STK17B: variants seen among roughly 807,000 people sequenced by gnomAD.
The protein encoded by STK17B is serine/threonine kinase 17b.
In STK17B, 21 loss-of-function variants were observed where a neutral mutation model predicts 42.0. The ratio of observed to expected loss-of-function variants is 0.50; its 90% confidence interval spans 0.35 to 0.72. STK17B has a LOEUF of 0.72. Among genes scored for constraint, STK17B ranks in the 30% least tolerant of loss-of-function variants. The pLI is 0.00. For missense variants in STK17B, 349 were observed against 446.0 expected (o/e 0.78, Z 1.96); for synonymous variants, 143 against 148.4 (o/e 0.96, Z 0.26).
At chr2:196,148,914 T>C (rs1439882078) in intron 3 of STK17B, among the ~76,000 whole-genome samples, 1 of 152,168 alleles carries the variant, frequency 6.6e-6, no homozygotes, top group Non-Finnish European at 1.5e-5. Flanking sequence ...CTTACTGAAA[T>C]CAAGACTGCC....
chr2:196,141,262 C>T lies in STK17B; in HGVS notation c.643G>A (p.Ala215Thr). 1 of 1,606,824 alleles carries T rather than the reference C, an allele frequency of 6.2e-7. No homozygotes were observed. The highest frequency in any genetic ancestry group is 2.2e-5 in the East Asian group (1 of 44,802). ...EILNYDPITTATDMWNIGIIA... is the reference protein window; with the variant it reads ...EILNYDPITTTTDMWNIGIIA... ...ACAACATCTTACCACATATCTGTTG[C>T]TGTGGTAATGGGATCATAGTTCAGG... Residue 215 changes from alanine to threonine, a missense_variant, in exon 6 of 8, where the codon GCA (alanine) becomes ACA (threonine). Around this residue, in one of 3 missense-constraint regions of STK17B, gnomAD observed 256 missense variants for 347.7 expected, o/e 0.74. Coordinates refer to ENST00000263955, the MANE Select transcript of STK17B (RefSeq NM_004226.4).
intron 1 of STK17B, among the ~76,000 whole-genome samples, chr2:196,169,817 C>G (rs1699916904): frequency 6.6e-6 from 1 of 151,920 alleles, no homozygotes; most frequent in Admixed American, 6.6e-5. Flanking sequence ...TCTTCAATTA[C>G]AGAAATTCTA....
intron 4 of STK17B, among the ~76,000 whole-genome samples, chr2:196,143,957 C>T (rs1699530078): frequency 6.6e-6 from 1 of 152,106 alleles, no homozygotes; most frequent in African/African-American, 2.4e-5. Flanking sequence ...AAAAGACTGC[C>T]TCATTCTGTC....
At chr2:196,139,015 A>G (rs1699451446) in intron 7 of STK17B, among the ~76,000 whole-genome samples, 1 of 151,624 alleles carries the variant, frequency 6.6e-6, no homozygotes, top group East Asian at 2.0e-4. Flanking sequence ...CATCTAGGCT[A>G]GAGTGCAGTG....
intron 1 of STK17B, among the ~76,000 whole-genome samples, chr2:196,168,301 A>G (rs1242835862): frequency 1.3e-5 from 2 of 152,202 alleles, no homozygotes; most frequent in Non-Finnish European, 2.9e-5. Flanking sequence ...TCCCACCTCC[A>G]GAAAAAGAGT....
upstream of STK17B, among the ~76,000 whole-genome samples, chr2:196,173,587 C>T (rs994816053): frequency 2.1e-4 from 32 of 152,294 alleles, 1 homozygote; most frequent in Middle Eastern, 0.01. Context: ...TGTGGCCTTG[C>T]AGGAAAATTC....
At chr2:196,157,393 T>A (rs1460386765) in intron 2 of STK17B, among the ~76,000 whole-genome samples, 3 of 152,172 alleles carry the variant, frequency 2.0e-5, no homozygotes, top group East Asian at 3.8e-4. Context: ...AACTCTCTAA[T>A]TAGAATAGCT....
In STK17B at chr2:196,139,660, C is replaced by A. The variant is rs747314013; in HGVS notation, c.796G>T (p.Ala266Ser). 2 of 1,451,580 alleles carry A rather than the reference C, an allele frequency of 1.4e-6. No homozygotes were observed. Among genetic ancestry groups the A allele is most frequent in the Non-Finnish European group, 9.1e-7 (1 of 1,097,260 alleles). The allele number at this position is 1,451,580 out of a possible 1,614,324, so 89.9% of individuals were successfully genotyped here. A position where few individuals can be genotyped will look rare whatever the true frequency, so the allele number is the denominator to read the frequency against. Residue 266 changes from alanine (A) to serine (S), a missense_variant, in exon 7 of 8, where the codon GCC becomes TCC. Ala to Ser is a moderately conservative substitution (Grantham distance 99). This residue lies in a region of STK17B where 256 missense variants were observed against 347.7 expected (regional missense o/e 0.74). Transcript: ENST00000263955. ...EETFSSVSQLATDFIQSLLVK... is the reference protein window; with the variant it reads ...EETFSSVSQLSTDFIQSLLVK... ...AAAAGGCTCTGAATAAAGTCTGTGG[C>A]CAGCTGTGAAACTGATGAAAAAGTT...
rs548199412 is a variant in STK17B, at chr2:196,140,981, T to A, written c.656+268A>T. ...ACCTTCATCATAAAATATGTAGCAATGTACTGCAAGTATTTTGTTCTTTTA... is the reference window on the plus strand; with the variant it reads ...ACCTTCATCATAAAATATGTAGCAAAGTACTGCAAGTATTTTGTTCTTTTA... On this transcript the variant is annotated intron_variant, in intron 6 of 7. Coordinates refer to ENST00000263955, the MANE Select transcript of STK17B (RefSeq NM_004226.4). Among the ~76,000 whole-genome samples the A allele has an allele frequency of 2.0e-5, 3 of 152,370 alleles. No homozygotes were observed. The East Asian group carries it at 5.8e-4, about 29-fold the overall frequency.
chr2:196,154,357 C>CT (rs1426675978), intron 3 of STK17B: 2 of 152,164 alleles, frequency 1.3e-5, no homozygotes, highest in African/African-American at 4.8e-5. Flanking sequence ...AAGACTACAC[C>CT]TTAAGCATGT....
In STK17B at chr2:196,136,031, A is replaced by G. The variant is rs963808376; in HGVS notation, c.*1416T>C. The G allele has an allele frequency of 6.6e-6, 1 of 152,166 alleles. No individual in the cohort carries two copies. Among genetic ancestry groups the G allele is most frequent in the African/African-American group, 2.4e-5 (1 of 41,446 alleles). 9.4% of individuals were successfully genotyped at this position (152,166 alleles called of 1,614,324 possible). On this transcript the variant is annotated 3_prime_UTR_variant, in exon 8 of 8. Transcript: ENST00000263955. ...ACCTGATAGTTATTCAAAAAGTTTT[A>G]AGTTATTATTAAAGAATTTGGAAAC...
intron 2 of STK17B, among the ~76,000 whole-genome samples, chr2:196,162,012 C>T (rs1187995307): frequency 1.3e-5 from 2 of 152,142 alleles, no homozygotes; most frequent in Non-Finnish European, 2.9e-5. Context: ...GCACATTTAT[C>T]AACACAAATA....
intron 3 of STK17B, chr2:196,155,030 G>C (rs1337383207): frequency 1.3e-5 from 2 of 152,170 alleles, no homozygotes; most frequent in Non-Finnish European, 2.9e-5. Flanking sequence ...TCTTTCCGAT[G>C]TATTTTGTCG....
At chr2:196,147,411 A>C (rs950466490) in intron 3 of STK17B, among the ~76,000 whole-genome samples, 1 of 152,190 alleles carries the variant, frequency 6.6e-6, no homozygotes, top group African/African-American at 2.4e-5. Context: ...CAGAAGTCTC[A>C]GTGACTGCCA....
chr2:196,144,404 G>A (rs773542911), intron 4 of STK17B, among the ~76,000 whole-genome samples: 38 of 146,980 alleles, frequency 2.6e-4, no homozygotes, highest in South Asian at 1.7e-3. Flanking sequence ...GAAGAATGGC[G>A]TGAACCCGGG....
Position 196,134,327 on chromosome 2 carries a change from C to CGGTGG in STK17B, c.*3119_*3120insCCACC, listed in dbSNP as rs1699365801. On this transcript the variant is annotated 3_prime_UTR_variant, in exon 8 of 8. Transcript: ENST00000263955. ...GCTGCATAGAAGGTGGGGGGCGGTG[C>CGGTGG]CAAGCATTACTGCCTGAGCTCAGTT... 17 of 76,292 alleles carry CGGTGG rather than the reference C, an allele frequency of 2.2e-4. No homozygotes were observed. Among genetic ancestry groups the CGGTGG allele is most frequent in the Admixed American group, 2.1e-3 (15 of 7,140 alleles). 4.7% of individuals were successfully genotyped at this position (76,292 alleles called of 1,614,324 possible). A position where few individuals can be genotyped will look rare whatever the true frequency, so the allele number is the denominator to read the frequency against.
chr2:196,171,665 T>A (rs1202641785), upstream of STK17B: 2 of 117,904 alleles, frequency 1.7e-5, no homozygotes, highest in African/African-American at 6.5e-5. Flanking sequence ...GTGCGGAGGG[T>A]GGGTCTGTCA....
rs78139275 is a variant in STK17B, at chr2:196,152,407, A to G, written c.335+4032T>C. On this transcript the variant is annotated intron_variant, in intron 3 of 7. Coordinates refer to ENST00000263955, the MANE Select transcript of STK17B (RefSeq NM_004226.4). ...CAGGCGTGAGCCACCACCCCCGGCC[A>G]AAAAAGTGCCTTTTAAAAGTGATTG... 4.9e-4 allele frequency among the ~76,000 whole-genome samples: 75 copies of G among 152,308 alleles called. 1 individual carries two copies. In the East Asian group the frequency reaches 0.012, roughly 25 times the overall value.
At chr2:196,156,687 C>T in intron 2 of STK17B, 36 bp from the exon 3 acceptor site, 1 of 1,527,198 alleles carries the variant, frequency 6.5e-7, no homozygotes, top group Non-Finnish European at 9.0e-7. Flanking sequence ...TTTAATTTTT[C>T]TGCAGAGAAC....
Sources: gnomAD v4.1 joint callset for allele counts (sites outside exome capture counted in the v4.1 genomes callset) on GRCh38, gnomAD v4.1.1 for gene constraint, gnomAD v4.1.1 regional missense constraint, MANE v1.5 for transcripts, NCBI Gene and HGNC (gene_info 2026-07-23, HGNC 2026-07-21) for gene names.